ZNF346: variants seen among roughly 807,000 people sequenced by gnomAD.
ZNF346 encodes double-stranded RNA-binding zinc finger protein JAZ.
A neutral mutation model predicts 33.7 loss-of-function variants in ZNF346; 23 were observed. The ratio of observed to expected loss-of-function variants is 0.68; its 90% confidence interval spans 0.49 to 0.97. The LOEUF (loss-of-function observed/expected upper bound fraction) is 0.97. ZNF346 is among the 50% of genes least tolerant of loss of function. The probability of loss-of-function intolerance (pLI) is 0.00; values close to 1 mark genes in which losing one functional copy is unlikely to be tolerated. For synonymous variants in ZNF346, 134 were observed against 142.4 expected, an observed-to-expected ratio of 0.94 and a Z score of 0.42; for missense variants, 340 against 371.1, an observed-to-expected ratio of 0.92 and a Z score of 0.69.
intron 1 of ZNF346, among the ~76,000 whole-genome samples, chr5:177,035,727 C>T (rs562946236): frequency 4.0e-5 from 6 of 150,228 alleles, no homozygotes; most frequent in Non-Finnish European, 8.8e-5. Context: ...CCTCCGCCTC[C>T]TGGGTTCAAT....
chr5:177,076,444 G>A (rs565559144), intron 8 of ZNF346, among the ~76,000 whole-genome samples: 6 of 152,154 alleles, frequency 3.9e-5, no homozygotes, highest in Non-Finnish European at 8.8e-5. Flanking sequence ...AAGAACTGCC[G>A]CCCATCTTCG....
At chr5:177,022,952 G>C (rs1360165672) in intron 1 of ZNF346, 39 bp downstream of exon 1, 1 of 1,445,150 alleles carries the variant, frequency 6.9e-7, no homozygotes, top group Non-Finnish European at 9.1e-7. Flanking sequence ...CCCCTCGCCC[G>C]CTGCGCGGCT....
intron 4 of ZNF346, among the ~76,000 whole-genome samples, chr5:177,049,679 G>A (rs1226361844): frequency 6.6e-6 from 1 of 152,148 alleles, no homozygotes; most frequent in Middle Eastern, 3.2e-3. Context: ...CAGGCTTTAG[G>A]GTCACAGACC....
intron 1 of ZNF346, among the ~76,000 whole-genome samples, chr5:177,033,222 G>A (rs151124533): frequency 7.4e-4 from 113 of 152,168 alleles, no homozygotes; most frequent in African/African-American, 2.5e-3. Flanking sequence ...CACTACAGGC[G>A]TGTGCCACCA....
intron 1 of ZNF346, among the ~76,000 whole-genome samples, chr5:177,034,382 C>T (rs575646609): frequency 5.9e-5 from 9 of 152,018 alleles, no homozygotes; most frequent in Admixed American, 2.6e-4. Context: ...CACCACGACA[C>T]TCAGCTAATC....
chr5:177,068,939 G>A (rs1783365197), downstream of ZNF346, among the ~76,000 whole-genome samples: 1 of 142,822 alleles, frequency 7.0e-6, no homozygotes, highest in Non-Finnish European at 1.5e-5. Flanking sequence ...GTATACATTG[G>A]GGCAGTCACC....
intron 1 of ZNF346, among the ~76,000 whole-genome samples, chr5:177,033,710 A>T (rs1007490250): frequency 6.6e-6 from 1 of 151,988 alleles, no homozygotes; most frequent in Non-Finnish European, 1.5e-5. Flanking sequence ...TTTTTAGTAG[A>T]GATGGGGTTT....
intron 8 of ZNF346, among the ~76,000 whole-genome samples, chr5:177,078,690 T>C (rs1183695493): frequency 6.6e-6 from 1 of 152,112 alleles, no homozygotes; most frequent in East Asian, 1.9e-4. Context: ...GGCAGGCGGA[T>C]CACTTGAGGC....
Position 177,044,427 on chromosome 5 carries a change from C to T in ZNF346, c.411C>T (p.Pro137=). Residue 137 remains proline, a synonymous_variant, in exon 4 of 7, where the codon CCC becomes CCT. Coordinates refer to ENST00000358149, the MANE Select transcript of ZNF346 (RefSeq NM_012279.4). ...SRSKDKNQCC[P]ICNMTFSSPV... ...GCAAAGACAAGAACCAGTGCTGCCCCATCTGTAACATGACCTTTTCCTCCC... is the reference window on the plus strand; with the variant it reads ...GCAAAGACAAGAACCAGTGCTGCCCTATCTGTAACATGACCTTTTCCTCCC... 6.2e-7 allele frequency: 1 copy of T among 1,614,132 alleles called. No individual in the cohort carries two copies. The highest frequency in any genetic ancestry group is 8.5e-7 in the Non-Finnish European group (1 of 1,180,042).
chr5:177,052,896 A>G (rs1358069554), intron 5 of ZNF346: 3 of 152,216 alleles, frequency 2.0e-5, no homozygotes, highest in Non-Finnish European at 4.4e-5. Flanking sequence ...ATCTAGATGT[A>G]ACCCCATTGT....
At chr5:177,032,896 A>C (rs567633816) in intron 1 of ZNF346, among the ~76,000 whole-genome samples, 2 of 152,326 alleles carry the variant, frequency 1.3e-5, no homozygotes, top group Non-Finnish European at 2.9e-5. Flanking sequence ...ACTCTAAAAA[A>C]TTAAATTAAA....
chr5:177,072,481 C>G (rs529682567), downstream of ZNF346, among the ~76,000 whole-genome samples: 1 of 152,162 alleles, frequency 6.6e-6, no homozygotes, highest in African/African-American at 2.4e-5. Flanking sequence ...GCCTGTGACC[C>G]GACTGAGTAA....
chr5:177,040,133 A>T (rs111938562), intron 1 of ZNF346, among the ~76,000 whole-genome samples: 20 of 150,694 alleles, frequency 1.3e-4, no homozygotes, highest in African/African-American at 4.2e-4. Context: ...GTGAGCCGAC[A>T]TCATGCCACT....
intron 5 of ZNF346, among the ~76,000 whole-genome samples, chr5:177,057,812 A>ATTTG (rs1266996185): frequency 2.6e-4 from 32 of 122,050 alleles, no homozygotes; most frequent in East Asian, 4.6e-4. Flanking sequence ...TTATTTATTT[A>ATTTG]TTTATTTATT....
chr5:177,033,725 A>G (rs566871076), intron 1 of ZNF346, among the ~76,000 whole-genome samples: 56 of 152,068 alleles, frequency 3.7e-4, no homozygotes, highest in African/African-American at 1.3e-3. Flanking sequence ...GGGTTTCACC[A>G]TGTTAGCCAG....
At chr5:177,042,474 G>A (rs1050970594) in intron 3 of ZNF346, among the ~76,000 whole-genome samples, 1 of 151,792 alleles carries the variant, frequency 6.6e-6, no homozygotes, top group African/African-American at 2.4e-5. Flanking sequence ...GGTGAGTTTG[G>A]CCAAGTCACT....
chr5:177,039,402 T>G (rs1044299197), intron 1 of ZNF346, among the ~76,000 whole-genome samples: 2 of 151,776 alleles, frequency 1.3e-5, no homozygotes, highest in Admixed American at 6.6e-5. Flanking sequence ...TTTTGTGGAT[T>G]AAGGAGAGAC....
At position 177,041,219 on chromosome 5, in the gene ZNF346, C is replaced by T. The variant is rs1779296729; in HGVS notation, c.269C>T (p.Ala90Val). ...CTTATTTCTGAGTCCCAGAAGCTGG[C>T]ACATTACCAGGTATGCCATCATACT... is the stretch of plus-strand genomic sequence containing the variant. ...ALLISESQKL[A>V]HYQSKKHANK... is the part of the protein sequence containing the mutation. Residue 90 changes from alanine to valine, a missense_variant, in exon 2 of 7, where the codon GCA becomes GTA. By Grantham distance (64) the Ala-to-Val change is moderately conservative (BLOSUM62 0). Transcript: ENST00000358149. The T allele has an allele frequency of 3.1e-6, 5 of 1,613,608 alleles. No homozygotes were observed. Among genetic ancestry groups the T allele is most frequent in the Non-Finnish European group, 4.2e-6 (5 of 1,179,540 alleles).
intron 6 of ZNF346, 58 bp from the exon 7 acceptor site, chr5:177,064,454 G>A (rs2149709137): frequency 4.4e-6 from 6 of 1,373,032 alleles, no homozygotes; most frequent in Non-Finnish European, 6.2e-6. Context: ...TATCATTGCA[G>A]TAGGCCAATA....
Sources: allele counts gnomAD v4.1 joint callset (sites outside exome capture counted in the v4.1 genomes callset), GRCh38; gene constraint gnomAD v4.1.1; transcripts MANE v1.5; gene names NCBI Gene and HGNC (gene_info 2026-07-23, HGNC 2026-07-21).